The following CNST variants were observed in gnomAD, a reference collection of about 807,000 sequenced individuals.
CNST encodes consortin, connexin sorting protein, also known as consortin.
In CNST, 39 loss-of-function variants were observed where a neutral mutation model predicts 72.4. The ratio of observed to expected loss-of-function variants is 0.54; its 90% confidence interval spans 0.42 to 0.70. The LOEUF (loss-of-function observed/expected upper bound fraction) is 0.70. Ranked by LOEUF, CNST falls within the 30% of genes least tolerant of loss-of-function variation. The pLI, the probability that CNST is intolerant of heterozygous loss-of-function variation, is 0.00. For synonymous variants in CNST, 332 were observed against 320.1 expected, an observed-to-expected ratio of 1.04 and a Z score of -0.40; for missense variants, 871 against 868.5, an observed-to-expected ratio of 1.00 and a Z score of -0.04.
At chr1:246,623,394 C>T (rs556203693) in intron 3 of CNST, among the ~76,000 whole-genome samples, 11 of 152,050 alleles carry the variant, frequency 7.2e-5, no homozygotes, top group South Asian at 4.1e-4. Context: ...GTAACAAAAA[C>T]GGATATGATG....
chr1:246,594,497 G>A (rs574132934), intron 2 of CNST, among the ~76,000 whole-genome samples: 8 of 152,214 alleles, frequency 5.3e-5, no homozygotes, highest in East Asian at 1.9e-4. Context: ...AAGGCCAGGC[G>A]TGGTGGCTCA....
intron 1 of CNST, among the ~76,000 whole-genome samples, chr1:246,581,529 C>T (rs1660784289): frequency 6.6e-6 from 1 of 152,252 alleles, no homozygotes. Context: ...TCCCAAAGTG[C>T]TGGGATTCCA....
chr1:246,648,952 GCTGT>G (rs1443775826), intron 9 of CNST, among the ~76,000 whole-genome samples: 3 of 152,156 alleles, frequency 2.0e-5, no homozygotes, highest in Non-Finnish European at 2.9e-5. Flanking sequence ...AGACTGAAAA[GCTGT>G]CTAAGGTAAT....
intron 3 of CNST, among the ~76,000 whole-genome samples, chr1:246,627,194 A>G (rs928111382): frequency 6.6e-6 from 1 of 152,218 alleles, no homozygotes; most frequent in African/African-American, 2.4e-5. Flanking sequence ...AACATAAGTC[A>G]GATCTTGTCA....
intron 8 of CNST, 93 bp downstream of exon 8, chr1:246,642,130 C>CTTTTTT (rs1665743319): frequency 4.7e-6 from 1 of 214,398 alleles, no homozygotes; most frequent in African/African-American, 8.1e-5. Context: ...TGCAAAGGAT[C>CTTTTTT]TGGTTTTTTT....
intron 2 of CNST, among the ~76,000 whole-genome samples, chr1:246,592,673 C>G (rs773967986): frequency 6.6e-6 from 1 of 152,208 alleles, no homozygotes; most frequent in Non-Finnish European, 1.5e-5. Flanking sequence ...AGTTTAGATG[C>G]TACTGTGACC....
intron 6 of CNST, among the ~76,000 whole-genome samples, chr1:246,638,133 T>C (rs1316114265): frequency 6.6e-6 from 1 of 151,506 alleles, no homozygotes; most frequent in Non-Finnish European, 1.5e-5. Context: ...ATGGAAAGAG[T>C]TGTGGAGGCT....
intron 1 of CNST, among the ~76,000 whole-genome samples, chr1:246,578,646 A>G (rs377208745): frequency 2.0e-4 from 31 of 152,100 alleles, no homozygotes; most frequent in South Asian, 8.3e-4. Flanking sequence ...ACTCCAGCCT[A>G]GGCAACAGAG....
intron 10 of CNST, among the ~76,000 whole-genome samples, chr1:246,661,283 G>A (rs553245637): frequency 9.2e-5 from 14 of 151,944 alleles, no homozygotes; most frequent in African/African-American, 3.4e-4. Flanking sequence ...GCCCTGGCTA[G>A]TTTTCTGTAT....
intron 6 of CNST, among the ~76,000 whole-genome samples, chr1:246,639,599 A>C (rs943765876): frequency 6.6e-6 from 1 of 152,148 alleles, no homozygotes; most frequent in Non-Finnish European, 1.5e-5. Flanking sequence ...TGGGCATGGC[A>C]GTCTTTTTGA....
intron 2 of CNST, among the ~76,000 whole-genome samples, chr1:246,610,496 G>A (rs1572173578): frequency 6.6e-6 from 1 of 152,142 alleles, no homozygotes; most frequent in Non-Finnish European, 1.5e-5. Flanking sequence ...TCTTTCACCA[G>A]AATGGGCCAC....
chr1:246,636,093 A>G (rs543050233), intron 6 of CNST, among the ~76,000 whole-genome samples: 1 of 152,308 alleles, frequency 6.6e-6, no homozygotes, highest in Admixed American at 6.5e-5. Flanking sequence ...ATGCGGCAGA[A>G]GAGTTAGTGG....
At chr1:246,638,955 T>C (rs1436154496) in intron 6 of CNST, among the ~76,000 whole-genome samples, 1 of 152,102 alleles carries the variant, frequency 6.6e-6, no homozygotes, top group African/African-American at 2.4e-5. Context: ...TGAGACTTAG[T>C]ACACTGCAGT....
At chr1:246,622,912 C>G (rs767627330) in intron 3 of CNST, among the ~76,000 whole-genome samples, 3 of 152,126 alleles carry the variant, frequency 2.0e-5, no homozygotes, top group Non-Finnish European at 4.4e-5. Context: ...TAATCTCCAC[C>G]TCCCAGATTC....
chr1:246,637,400 C>T (rs780145176), intron 6 of CNST, among the ~76,000 whole-genome samples: 23 of 152,192 alleles, frequency 1.5e-4, no homozygotes, highest in Admixed American at 9.2e-4. Flanking sequence ...TGGCCTCATT[C>T]GCTGCTTCAC....
At chr1:246,599,265 T>G (rs1341817718) in intron 2 of CNST, among the ~76,000 whole-genome samples, 2 of 152,160 alleles carry the variant, frequency 1.3e-5, no homozygotes, top group Admixed American at 1.3e-4. Flanking sequence ...ATCTAGTGGC[T>G]TTAAACACAC....
chr1:246,652,819 A>G (rs947790559), intron 9 of CNST, among the ~76,000 whole-genome samples: 34 of 150,630 alleles, frequency 2.3e-4, no homozygotes, highest in Non-Finnish European at 4.4e-4. Flanking sequence ...CCTGGCTAAC[A>G]CGGTGAAACC....
chr1:246,640,111 C>A lies in CNST; in HGVS notation c.819-1638C>A, dbSNP rs1274877537. On this transcript the variant is annotated intron_variant, in intron 6 of 10. Transcript: ENST00000366513. ...GGGAGAATCTTTCATTTATTACATT[C>A]CTTTCTCAGTTTTTATTGAGTTTCT... Among the ~76,000 whole-genome samples the A allele has an allele frequency of 3.3e-5, 5 of 152,176 alleles. No individual in the cohort carries two copies. The East Asian group carries it at 7.7e-4, about 23-fold the overall frequency.
intron 10 of CNST, among the ~76,000 whole-genome samples, chr1:246,660,928 C>A (rs1162863985): frequency 1.3e-5 from 2 of 151,860 alleles, no homozygotes; most frequent in African/African-American, 4.8e-5. Context: ...CAGTTTCCCT[C>A]TTTAGTACTT....
Sources: allele counts gnomAD v4.1 joint callset (sites outside exome capture counted in the v4.1 genomes callset), GRCh38; gene constraint gnomAD v4.1.1; transcripts MANE v1.5; gene names NCBI Gene and HGNC (gene_info 2026-07-23, HGNC 2026-07-21).